The following HOOK1 variants were observed in gnomAD, a reference collection of about 807,000 sequenced individuals.
HOOK1 encodes the protein hook microtubule tethering protein 1.
In HOOK1, 60 loss-of-function variants were observed where a neutral mutation model predicts 112.8. The observed-to-expected ratio is 0.53, with a 90% CI of 0.43 to 0.66. HOOK1 has a LOEUF of 0.66. Among genes scored for constraint, HOOK1 ranks in the 30% least tolerant of loss-of-function variants. The pLI, the probability that HOOK1 is intolerant of heterozygous loss-of-function variation, is 0.00. For synonymous variants in HOOK1, 294 were observed against 283.8 expected, an observed-to-expected ratio of 1.04 and a Z score of -0.36; for missense variants, 770 against 856.0, an observed-to-expected ratio of 0.90 and a Z score of 1.25.
At chr1:59,856,088 T>C in intron 12 of HOOK1, among the ~76,000 whole-genome samples, 1 of 139,808 alleles carries the variant, frequency 7.2e-6, no homozygotes, top group Non-Finnish European at 1.5e-5. Context: ...CCATAGTGAA[T>C]TGTTTGTTTG....
chr1:59,841,493 T>G (rs2098400992), intron 8 of HOOK1, among the ~76,000 whole-genome samples: 1 of 152,166 alleles, frequency 6.6e-6, no homozygotes, highest in Non-Finnish European at 1.5e-5. Flanking sequence ...GTCTTCTAAC[T>G]TCATCTGTAA....
Position 59,815,193 on chromosome 1 carries a change from AGGCGAGAG to A in HOOK1, c.63+20_63+27del, listed in dbSNP as rs1298869437. 3 of 1,542,320 alleles carry A rather than the reference AGGCGAGAG, an allele frequency of 1.9e-6. No individual in the cohort carries two copies. Among genetic ancestry groups the A allele is most frequent in the South Asian group, 1.2e-5 (1 of 83,984 alleles). ...CCTCATGATCTGGGTGAGTGCGAGG[AGGCGAGAG>A]GGCGAGGGGGCCAGGGGGCCGAGGC... On this transcript the variant is annotated intron_variant, in intron 1 of 21. Transcript: ENST00000371208.
At chr1:59,843,249 A>G (rs918832869) in intron 8 of HOOK1, among the ~76,000 whole-genome samples, 183 bp from the exon 9 acceptor site, 1 of 149,546 alleles carries the variant, frequency 6.7e-6, no homozygotes, top group African/African-American at 2.5e-5. Flanking sequence ...CTTTTCTTTG[A>G]CTTACATCTC....
rs1352360332 is a variant in HOOK1 at position 59,873,122 on chromosome 1, G to A, written c.*157G>A. ...AACATGCATCAAATTAATTTTGCCAGTTGACTTTAAAAACAAATTATAGAA... is the reference window on the plus strand; with the variant it reads ...AACATGCATCAAATTAATTTTGCCAATTGACTTTAAAAACAAATTATAGAA... On this transcript the variant is annotated 3_prime_UTR_variant, in exon 22 of 22. Coordinates refer to ENST00000371208, the MANE Select transcript of HOOK1 (RefSeq NM_015888.6). 4 of 580,238 alleles carry A rather than the reference G, an allele frequency of 6.9e-6. No homozygotes were observed. Among genetic ancestry groups the A allele is most frequent in the Non-Finnish European group, 1.1e-5 (4 of 378,892 alleles). The allele number at this position is 580,238 out of a possible 1,614,324, so 35.9% of individuals were successfully genotyped here.
rs1272471653 is a variant in HOOK1 at position 59,817,972 on chromosome 1, T to G, written c.63+2792T>G. ...CAAATCAAAGTGGTGATAGTAAATA[T>G]CATTGCCTTGGTTCTCACCTCAGAG... On this transcript the variant is annotated intron_variant, in intron 1 of 21. Transcript: ENST00000371208. Among the ~76,000 whole-genome samples the G allele has an allele frequency of 2.0e-5, 3 of 152,222 alleles. No homozygotes were observed. In the East Asian group the frequency reaches 5.8e-4, roughly 29 times the overall value.
intron 1 of HOOK1, among the ~76,000 whole-genome samples, chr1:59,816,414 GAAAC>G (rs1275622058): frequency 6.6e-6 from 1 of 152,160 alleles, no homozygotes; most frequent in African/African-American, 2.4e-5. Context: ...GACTGTCGTA[GAAAC>G]AAGGCAACAT....
intron 18 of HOOK1, 37 bp from the exon 19 acceptor site, chr1:59,865,835 A>T: frequency 2.0e-6 from 2 of 1,001,250 alleles, no homozygotes; most frequent in East Asian, 2.7e-5. Context: ...AGTAAATATT[A>T]ATAACTGATT....
rs1397418356 is a variant in HOOK1, at chr1:59,874,378, T to C, written c.*1413T>C. 1 of 152,182 alleles carries C rather than the reference T, an allele frequency of 6.6e-6. No individual in the cohort carries two copies. Among genetic ancestry groups the C allele is most frequent in the South Asian group, 2.1e-4 (1 of 4,830 alleles). The allele number at this position is 152,182 out of a possible 1,614,324, so 9.4% of individuals were successfully genotyped here. On this transcript the variant is annotated 3_prime_UTR_variant, in exon 22 of 22. Transcript: ENST00000371208. The stretch of plus-strand genomic sequence containing the variant: ...ATTTCAGATATAAAAAGGAACTGAA[T>C]TGTGACATAATTAGCATCTTACATT...
chr1:59,830,204 T>G (rs929802666), intron 3 of HOOK1, among the ~76,000 whole-genome samples: 3 of 152,086 alleles, frequency 2.0e-5, no homozygotes, highest in Non-Finnish European at 2.9e-5. Context: ...TTTGTTAAAT[T>G]TGTTGATAGT....
chr1:59,831,051 C>T (rs1348793570), intron 3 of HOOK1, among the ~76,000 whole-genome samples: 1 of 152,022 alleles, frequency 6.6e-6, no homozygotes, highest in East Asian at 1.9e-4. Flanking sequence ...CAGGTGCCCA[C>T]CACCATGCCT....
intron 12 of HOOK1, among the ~76,000 whole-genome samples, chr1:59,850,064 A>G (rs970140170): frequency 2.6e-5 from 4 of 151,542 alleles, no homozygotes; most frequent in African/African-American, 9.7e-5. Flanking sequence ...TAGCTATCCT[A>G]GTGGATATAA....
At chr1:59,871,146 G>A (rs755945303) in intron 21 of HOOK1, 36 bp downstream of exon 21, 11 of 1,478,700 alleles carry the variant, frequency 7.4e-6, no homozygotes, top group East Asian at 2.3e-5. Flanking sequence ...GGATGAGAAC[G>A]GTGTTTAAGC....
At chr1:59,869,965 A>G (rs979715919) in intron 20 of HOOK1, among the ~76,000 whole-genome samples, 2 of 152,166 alleles carry the variant, frequency 1.3e-5, no homozygotes, top group African/African-American at 2.4e-5. Flanking sequence ...GGCAAAGCCT[A>G]TCTTTTATCT....
At chr1:59,864,859 T>C in intron 17 of HOOK1, 193 bp downstream of exon 17, 1 of 555,870 alleles carries the variant, frequency 1.8e-6, no homozygotes, top group Non-Finnish European at 3.2e-6. Flanking sequence ...CCTACATCTT[T>C]CCATTGTTAA....
At chr1:59,846,527 TTTCCTTCCTTCC>T (rs56170541) in intron 9 of HOOK1, among the ~76,000 whole-genome samples, 26 of 87,334 alleles carry the variant, frequency 3.0e-4, no homozygotes, top group Non-Finnish European at 4.6e-4. Flanking sequence ...CTTCCTTCCT[TTTCCTTCCTTCC>T]TTCCTTCCTT....
chr1:59,817,039 C>T (rs1237528908), intron 1 of HOOK1, among the ~76,000 whole-genome samples: 1 of 152,198 alleles, frequency 6.6e-6, no homozygotes, highest in Non-Finnish European at 1.5e-5. Context: ...TTGGCTCTGG[C>T]TTTAGACTCC....
intron 2 of HOOK1, among the ~76,000 whole-genome samples, chr1:59,824,023 G>A (rs1443139508): frequency 6.6e-6 from 1 of 151,932 alleles, no homozygotes; most frequent in Non-Finnish European, 1.5e-5. Context: ...TCATCCAGGG[G>A]CTACTTTTTA....
rs1478107700 is a variant in HOOK1, at chr1:59,860,460, G to C, written c.1532+132G>C. On this transcript the variant is annotated intron_variant, in intron 15 of 21. Coordinates refer to ENST00000371208, the MANE Select transcript of HOOK1 (RefSeq NM_015888.6). ...TACCTAGAAATAGTTTAATATTTTT[G>C]TTAGTAGTCTTTCATCACTATAAGC... is the stretch of plus-strand genomic sequence containing the variant. 8.2e-6 allele frequency: 6 copies of C among 736,190 alleles called. No homozygotes were observed. The South Asian group carries it at 9.4e-5, about 12-fold the overall frequency. 45.6% of individuals were successfully genotyped at this position (736,190 alleles called of 1,614,324 possible). A position where few individuals can be genotyped will look rare whatever the true frequency, so the allele number is the denominator to read the frequency against.
chr1:59,825,944 A>G (rs1376365267), intron 2 of HOOK1, among the ~76,000 whole-genome samples: 9 of 152,202 alleles, frequency 5.9e-5, no homozygotes, highest in South Asian at 4.1e-4. Context: ...ATGAACATCT[A>G]TCTATACTTT....
Sources: gnomAD v4.1 joint callset for allele counts (sites outside exome capture counted in the v4.1 genomes callset) on GRCh38, gnomAD v4.1.1 for gene constraint, MANE v1.5 for transcripts, NCBI Gene and HGNC (gene_info 2026-07-23, HGNC 2026-07-21) for gene names.